HECW2: variants seen among roughly 807,000 people sequenced by gnomAD.
HECW2 encodes E3 ubiquitin-protein ligase HECW2.
HECW2 carries 61 observed loss-of-function variants against 175.2 expected under a neutral mutation model. That is an observed-to-expected ratio of 0.35 (90% CI 0.28 to 0.43). HECW2 has a LOEUF of 0.43. Among genes scored for constraint, HECW2 ranks in the 20% least tolerant of loss-of-function variants. The probability of loss-of-function intolerance (pLI) is 1.00; values close to 1 mark genes in which losing one functional copy is unlikely to be tolerated. For synonymous variants in HECW2, 671 were observed against 731.0 expected (o/e 0.92, Z 1.32); for missense variants, 1,524 against 2,000.5 (o/e 0.76, Z 4.54).
chr2:196,502,180 A>G (rs13425149), intron 1 of HECW2, among the ~76,000 whole-genome samples: 51,089 of 152,138 alleles, frequency 0.34, 11,457 homozygotes, highest in African/African-American at 0.64. Context: ...ATACAGTCTC[A>G]ATCAACAACA....
chr2:196,457,206 C>G (rs1428366839), intron 1 of HECW2, among the ~76,000 whole-genome samples: 1 of 152,218 alleles, frequency 6.6e-6, no homozygotes, highest in South Asian at 2.1e-4. Flanking sequence ...GCTTTGATCA[C>G]ATCAAGTTTC....
chr2:196,526,451 A>G (rs1688649943), intron 1 of HECW2, among the ~76,000 whole-genome samples: 1 of 151,220 alleles, frequency 6.6e-6, no homozygotes, highest in African/African-American at 2.4e-5. Context: ...GAGTAATTTG[A>G]TCGTCTGAAG....
chr2:196,556,271 A>G (rs1228758476), intron 1 of HECW2, among the ~76,000 whole-genome samples: 2 of 152,212 alleles, frequency 1.3e-5, no homozygotes, highest in African/African-American at 4.8e-5. Flanking sequence ...TAACATGTCC[A>G]TCACCTCACA....
chr2:196,269,803 A>G (rs16848663), intron 17 of HECW2, among the ~76,000 whole-genome samples: 5,036 of 152,300 alleles, frequency 0.033, 175 homozygotes, highest in South Asian at 0.11. Context: ...ATGACTCATG[A>G]TCAAAATAGT....
chr2:196,521,686 T>C (rs1396845228), intron 1 of HECW2, among the ~76,000 whole-genome samples: 1 of 141,232 alleles, frequency 7.1e-6, no homozygotes, highest in East Asian at 2.2e-4. Context: ...CCTGTGTCCA[T>C]GTGATCTCAT....
intron 20 of HECW2, 118 bp downstream of exon 20, chr2:196,241,966 T>G (rs760464055): frequency 1.1e-6 from 1 of 883,464 alleles, no homozygotes; most frequent in Non-Finnish European, 1.8e-6. Context: ...TCCAAAATAA[T>G]TATGCCGACT....
intron 10 of HECW2, chr2:196,315,637 A>C (rs1691666221): frequency 6.6e-6 from 1 of 152,192 alleles, no homozygotes; most frequent in Non-Finnish European, 1.5e-5. Flanking sequence ...ATTAAAAGGA[A>C]CTGCCAATTG....
chr2:196,317,482 G>T, intron 9 of HECW2, 113 bp from the exon 10 acceptor site: 1 of 774,532 alleles, frequency 1.3e-6, no homozygotes, highest in Non-Finnish European at 2.2e-6. Context: ...TCTCTGTTTA[G>T]TCTCATTTCC....
chr2:196,248,059 AC>A (rs1156604801), intron 19 of HECW2, among the ~76,000 whole-genome samples: 2 of 152,238 alleles, frequency 1.3e-5, no homozygotes, highest in African/African-American at 4.8e-5. Context: ...CTGGAACTTA[AC>A]AAAAAACACG....
chr2:196,480,925 T>C lies in HECW2; in HGVS notation c.-35-47467A>G, dbSNP rs146631966. ...ACATACATGCATTGTACTTGTTAAG[T>C]ACTGGTACTCAAGAAATATTTTTGA... On this transcript the variant is annotated intron_variant, in intron 1 of 28. Coordinates refer to ENST00000644978, the MANE Select transcript of HECW2 (RefSeq NM_001348768.2). Among the ~76,000 whole-genome samples the C allele has an allele frequency of 1.9e-3, 295 of 152,282 alleles. 1 individual carries two copies. The highest frequency in any genetic ancestry group is 2.6e-3 in the Non-Finnish European group (174 of 68,024).
intron 3 of HECW2, among the ~76,000 whole-genome samples, chr2:196,339,890 T>C (rs1016305537): frequency 6.6e-6 from 1 of 152,226 alleles, no homozygotes; most frequent in Admixed American, 6.5e-5. Context: ...CATTTATACT[T>C]GGTTTTGTCC....
At chr2:196,352,741 A>G (rs1371807212) in intron 2 of HECW2, among the ~76,000 whole-genome samples, 3 of 152,162 alleles carry the variant, frequency 2.0e-5, no homozygotes, top group Non-Finnish European at 4.4e-5. Flanking sequence ...GCAACTTCCT[A>G]GATAAAAACA....
chr2:196,336,837 C>G (rs1042117899), intron 3 of HECW2, among the ~76,000 whole-genome samples: 15 of 151,984 alleles, frequency 9.9e-5, no homozygotes, highest in Non-Finnish European at 1.5e-5. Context: ...ATGATCCAAT[C>G]CCCCCACCCC....
intron 15 of HECW2, among the ~76,000 whole-genome samples, chr2:196,278,133 A>ATATATATATATATATAGATATAT (rs1553489735): frequency 1.5e-5 from 1 of 66,552 alleles, no homozygotes; most frequent in African/African-American, 4.1e-5. Context: ...ATAATTAAAA[A>ATATATATATATATATAGATATAT]ATATATATAT....
chr2:196,311,309 A>G (rs891469218), intron 10 of HECW2, among the ~76,000 whole-genome samples: 4 of 152,234 alleles, frequency 2.6e-5, no homozygotes, highest in Non-Finnish European at 4.4e-5. Context: ...GGTCTTCAGA[A>G]TCAGACTATC....
At chr2:196,519,049 A>C (rs1358931487) in intron 1 of HECW2, among the ~76,000 whole-genome samples, 1 of 152,162 alleles carries the variant, frequency 6.6e-6, no homozygotes, top group Non-Finnish European at 1.5e-5. Context: ...CCCAAACAAC[A>C]CATTTAATAC....
intron 5 of HECW2, among the ~76,000 whole-genome samples, chr2:196,327,101 T>C (rs973054230): frequency 6.6e-6 from 1 of 152,192 alleles, no homozygotes; most frequent in Non-Finnish European, 1.5e-5. Context: ...GTTCTCTTTG[T>C]AGTAAATAAA....
chr2:196,434,070 G>C (rs984205691), intron 1 of HECW2, among the ~76,000 whole-genome samples: 1 of 151,962 alleles, frequency 6.6e-6, no homozygotes, highest in African/African-American at 2.4e-5. Flanking sequence ...CAATTTTTGT[G>C]ATCTAACGTA....
At chr2:196,300,335 T>C (rs1690997762) in intron 13 of HECW2, among the ~76,000 whole-genome samples, 2 of 152,244 alleles carry the variant, frequency 1.3e-5, no homozygotes, top group African/African-American at 4.8e-5. Context: ...TGCCTTTTTC[T>C]TTACTTAAGG....
Sources: gnomAD v4.1 joint callset for allele counts (sites outside exome capture counted in the v4.1 genomes callset) on GRCh38, gnomAD v4.1.1 for gene constraint, MANE v1.5 for transcripts, NCBI Gene and HGNC (gene_info 2026-07-23, HGNC 2026-07-21) for gene names.